The following SLC24A3 variants were observed in gnomAD, a reference collection of about 807,000 sequenced individuals.
SLC24A3 encodes the protein sodium/potassium/calcium exchanger 3.
Under a neutral mutation model 75.8 loss-of-function variants are expected in SLC24A3, and 28 were observed. The observed-to-expected ratio is 0.37, with a 90% CI of 0.27 to 0.51. The LOEUF is 0.51. Among genes scored for constraint, SLC24A3 ranks in the 20% least tolerant of loss-of-function variants. The probability of loss-of-function intolerance (pLI) is 0.94; values close to 1 mark genes in which losing one functional copy is unlikely to be tolerated. For missense variants in SLC24A3, 663 were observed against 847.8 expected, an observed-to-expected ratio of 0.78 and a Z score of 2.71; for synonymous variants, 372 against 334.1, an observed-to-expected ratio of 1.11 and a Z score of -1.24.
At chr20:19,424,764 A>AAC (rs1986976358) in intron 2 of SLC24A3, among the ~76,000 whole-genome samples, 1 of 143,094 alleles carries the variant, frequency 7.0e-6, no homozygotes, top group Non-Finnish European at 1.5e-5. Flanking sequence ...AAAAAAAAAA[A>AAC]AAAAAAACTT....
intron 13 of SLC24A3, chr20:19,696,342 A>G (rs1051804657): frequency 1.9e-5 from 3 of 155,360 alleles, no homozygotes; most frequent in Non-Finnish European, 4.3e-5. Context: ...TTTTCTAACA[A>G]GTATGGATAC....
intron 1 of SLC24A3, among the ~76,000 whole-genome samples, chr20:19,215,867 A>G (rs981115306): frequency 2.6e-5 from 4 of 152,236 alleles, no homozygotes; most frequent in Non-Finnish European, 5.9e-5. Flanking sequence ...TGCAGTAAGA[A>G]TCTACATTGA....
intron 2 of SLC24A3, among the ~76,000 whole-genome samples, chr20:19,377,710 T>C (rs938680027): frequency 6.6e-6 from 1 of 152,232 alleles, no homozygotes; most frequent in Non-Finnish European, 1.5e-5. Context: ...TTCCATGGAT[T>C]TTGAACCCTG....
In SLC24A3 at chr20:19,509,390, A is replaced by G. The variant is rs560625977; in HGVS notation, c.272-6098A>G. Reference sequence around the variant, plus strand: ...GGAGAGGGTGACATCAGCACCAGCCATCAGCTCTGGGAGGCGCTAGAGGCC... The same window carrying G: ...GGAGAGGGTGACATCAGCACCAGCCGTCAGCTCTGGGAGGCGCTAGAGGCC... On this transcript the variant is annotated intron_variant, in intron 2 of 16. Coordinates refer to ENST00000328041, the MANE Select transcript of SLC24A3 (RefSeq NM_020689.4). Among the ~76,000 whole-genome samples, 44 of 152,352 alleles carry G rather than the reference A, an allele frequency of 2.9e-4. No homozygotes were observed. In the South Asian group the frequency reaches 9.1e-3, roughly 32 times the overall value.
intron 2 of SLC24A3, among the ~76,000 whole-genome samples, chr20:19,423,102 G>A (rs1301238006): frequency 1.3e-5 from 2 of 152,236 alleles, no homozygotes; most frequent in Admixed American, 1.3e-4. Flanking sequence ...GCTCAGGGCA[G>A]ACACACTGGC....
At chr20:19,628,349 C>T (rs1232657988) in intron 6 of SLC24A3, among the ~76,000 whole-genome samples, 3 of 152,096 alleles carry the variant, frequency 2.0e-5, no homozygotes, top group Non-Finnish European at 4.4e-5. Context: ...GGTCCTTCCC[C>T]CATGGAGACA....
intron 2 of SLC24A3, among the ~76,000 whole-genome samples, chr20:19,297,191 T>A (rs998656511): frequency 1.3e-5 from 2 of 152,214 alleles, no homozygotes; most frequent in African/African-American, 4.8e-5. Context: ...TCAAAGTAAT[T>A]TCAGAAGTCA....
chr20:19,579,997 C>T lies in SLC24A3; in HGVS notation c.349-3C>T, dbSNP rs953877051. On this transcript the variant is annotated splice_region_variant and splice_polypyrimidine_tract_variant and intron_variant, in intron 3 of 16. Coordinates refer to ENST00000328041, the MANE Select transcript of SLC24A3 (RefSeq NM_020689.4). ...TTAACCCCTTTTATCTCCTCTCTTCCAGGCCATATACATGTTCTATGCGCT... is the reference window on the plus strand; with the variant it reads ...TTAACCCCTTTTATCTCCTCTCTTCTAGGCCATATACATGTTCTATGCGCT... 1.9e-6 allele frequency: 3 copies of T among 1,611,344 alleles called. No individual in the cohort carries two copies. The highest frequency in any genetic ancestry group is 2.5e-6 in the Non-Finnish European group (3 of 1,177,798).
At chr20:19,598,598 A>G (rs1568668205) in intron 6 of SLC24A3, among the ~76,000 whole-genome samples, 1 of 152,016 alleles carries the variant, frequency 6.6e-6, no homozygotes, top group Non-Finnish European at 1.5e-5. Context: ...TTTACTTGTG[A>G]CTTTCTCCCA....
At chr20:19,677,686 CTT>C (rs796484728) in intron 9 of SLC24A3, among the ~76,000 whole-genome samples, 21,846 of 114,048 alleles carry the variant, frequency 0.19, 1,805 homozygotes, top group Non-Finnish European at 0.21. Context: ...TTTTTTTTTT[CTT>C]TTTTTTTTTT....
intron 6 of SLC24A3, among the ~76,000 whole-genome samples, chr20:19,613,361 T>G (rs1482123871): frequency 6.6e-6 from 1 of 152,182 alleles, no homozygotes; most frequent in Non-Finnish European, 1.5e-5. Flanking sequence ...ACAAACACCA[T>G]AATCAAGTGC....
At chr20:19,409,473 T>A (rs1986707081) in intron 2 of SLC24A3, among the ~76,000 whole-genome samples, 1 of 151,786 alleles carries the variant, frequency 6.6e-6, no homozygotes. Context: ...ATCAGACAAG[T>A]GAACTAGAAA....
chr20:19,644,945 T>C (rs2032118087), intron 6 of SLC24A3, among the ~76,000 whole-genome samples: 1 of 152,220 alleles, frequency 6.6e-6, no homozygotes, highest in African/African-American at 2.4e-5. Flanking sequence ...TTTGGTCTTA[T>C]TATACATGAA....
intron 2 of SLC24A3, among the ~76,000 whole-genome samples, chr20:19,483,609 G>A (rs1314616863): frequency 1.3e-5 from 2 of 152,192 alleles, no homozygotes; most frequent in African/African-American, 4.8e-5. Flanking sequence ...TGCCTCCTTT[G>A]CTGTGGATAC....
At chr20:19,481,561 G>C (rs966214214) in intron 2 of SLC24A3, among the ~76,000 whole-genome samples, 1 of 152,174 alleles carries the variant, frequency 6.6e-6, no homozygotes, top group Non-Finnish European at 1.5e-5. Context: ...CTGGGTGCCT[G>C]GAGAAACGGT....
intron 6 of SLC24A3, among the ~76,000 whole-genome samples, chr20:19,620,724 T>C (rs2031792202): frequency 6.6e-6 from 1 of 152,192 alleles, no homozygotes; most frequent in South Asian, 2.1e-4. Flanking sequence ...AAATGGAATT[T>C]GAGCTTCTGT....
At chr20:19,478,821 A>T (rs551247492) in intron 2 of SLC24A3, among the ~76,000 whole-genome samples, 1 of 152,370 alleles carries the variant, frequency 6.6e-6, no homozygotes, top group South Asian at 2.1e-4. Flanking sequence ...CTTTGAGGAC[A>T]GGAGTTGTCT....
intron 6 of SLC24A3, among the ~76,000 whole-genome samples, chr20:19,638,888 G>A (rs2032032477): frequency 6.6e-6 from 1 of 152,116 alleles, no homozygotes. Flanking sequence ...GAGTGAAGCT[G>A]CAGACCTTCG....
chr20:19,703,121 G>A (rs2032893048), intron 15 of SLC24A3, among the ~76,000 whole-genome samples: 1 of 152,170 alleles, frequency 6.6e-6, no homozygotes, highest in Non-Finnish European at 1.5e-5. Flanking sequence ...TTAATATTCT[G>A]CATTCTCCTT....
Sources: allele counts gnomAD v4.1 joint callset (sites outside exome capture counted in the v4.1 genomes callset), GRCh38; gene constraint gnomAD v4.1.1; transcripts MANE v1.5; gene names NCBI Gene and HGNC (gene_info 2026-07-23, HGNC 2026-07-21).